The following LINGO2 variants were observed in gnomAD, a reference collection of about 807,000 sequenced individuals.
LINGO2 encodes leucine rich repeat and Ig domain containing 2.
Under a neutral mutation model 30.6 loss-of-function variants are expected in LINGO2, and 14 were observed. The ratio of observed to expected loss-of-function variants is 0.46; its 90% CI spans 0.30 to 0.72. The LOEUF (loss-of-function observed/expected upper bound fraction) is 0.72, where lower values mean the gene tolerates loss of function less well. Among genes scored for constraint, LINGO2 ranks in the 30% least tolerant of loss-of-function variants. LINGO2 has a pLI of 0.07. For missense variants in LINGO2, 729 were observed against 751.7 expected, an observed-to-expected ratio of 0.97 and a Z score of 0.35; for synonymous variants, 317 against 288.5, an observed-to-expected ratio of 1.10 and a Z score of -1.00.
intron 1 of LINGO2, among the ~76,000 whole-genome samples, chr9:28,479,854 T>C (rs866234841): frequency 0.019 from 1,109 of 59,876 alleles, 23 homozygotes; most frequent in African/African-American, 0.053. Flanking sequence ...TCTGTGTGTG[T>C]GTGTGTGTGT....
the LINGO2 span, among the ~76,000 whole-genome samples, chr9:28,882,676 T>C: frequency 0.85 from 129,515 of 152,062 alleles, 55,328 homozygotes; most frequent in Non-Finnish European, 0.89. Context: ...CAGTCTTGGT[T>C]GTCTGTCATT....
At chr9:28,240,314 T>C (rs1821736239) in intron 4 of LINGO2, among the ~76,000 whole-genome samples, 2 of 152,050 alleles carry the variant, frequency 1.3e-5, no homozygotes, top group African/African-American at 4.8e-5. Flanking sequence ...AGACCCAGAA[T>C]AGCCAAAGCC....
At chr9:28,429,516 A>G (rs1290562868) in intron 2 of LINGO2, among the ~76,000 whole-genome samples, 2 of 152,138 alleles carry the variant, frequency 1.3e-5, no homozygotes, top group Non-Finnish European at 2.9e-5. Flanking sequence ...AGAACTACCA[A>G]TATGGAGCTG....
intron 4 of LINGO2, among the ~76,000 whole-genome samples, chr9:28,019,317 A>ATT (rs1357392681): frequency 1.5e-4 from 1 of 6,670 alleles, no homozygotes; most frequent in African/African-American, 5.5e-4. Flanking sequence ...AGGGGAATAT[A>ATT]TGTTTTTTTT....
chr9:28,884,567 G>A, the LINGO2 span, among the ~76,000 whole-genome samples: 16 of 151,574 alleles, frequency 1.1e-4, no homozygotes, highest in Middle Eastern at 3.5e-3. Context: ...ATCGACCTGC[G>A]GACCTTTGTC....
chr9:28,827,874 G>A, the LINGO2 span, among the ~76,000 whole-genome samples: 5 of 152,014 alleles, frequency 3.3e-5, no homozygotes, highest in Non-Finnish European at 5.9e-5. Flanking sequence ...CCAAGAATGT[G>A]ACTTTCCTAC....
chr9:28,276,442 T>C (rs1043025956), intron 4 of LINGO2, among the ~76,000 whole-genome samples: 14 of 152,198 alleles, frequency 9.2e-5, no homozygotes, highest in South Asian at 8.3e-4. Context: ...CTCATTTTCC[T>C]AGAAATATCT....
chr9:28,374,665 G>A (rs2134590954), intron 2 of LINGO2, among the ~76,000 whole-genome samples: 1 of 152,024 alleles, frequency 6.6e-6, no homozygotes, highest in East Asian at 1.9e-4. Flanking sequence ...AATTGTTTAG[G>A]ATTGTTTCAA....
At chr9:28,016,512 C>T (rs1378438808) in intron 4 of LINGO2, among the ~76,000 whole-genome samples, 3 of 151,852 alleles carry the variant, frequency 2.0e-5, no homozygotes, top group Admixed American at 2.0e-4. Context: ...AGACAAATTT[C>T]CCACAGAAAT....
chr9:28,156,439 A>G (rs1201461128), intron 4 of LINGO2, among the ~76,000 whole-genome samples: 2 of 152,246 alleles, frequency 1.3e-5, no homozygotes, highest in African/African-American at 4.8e-5. Context: ...TCTATCACTG[A>G]ATATCTACAT....
In LINGO2 at chr9:28,446,566, C is replaced by G. The variant is rs141913031; in HGVS notation, c.-279+29374G>C. On this transcript the variant is annotated intron_variant, in intron 2 of 5. Coordinates refer to ENST00000379992, the Ensembl canonical transcript of LINGO2. The stretch of plus-strand genomic sequence containing the variant: ...AATCAATTACTAAGTCTTATAATTT[C>G]TATTTCCTAAACCTCTTTTGACTCT... Among the ~76,000 whole-genome samples, 49 of 152,288 alleles carry G rather than the reference C, an allele frequency of 3.2e-4. No homozygotes were observed. In the East Asian group the frequency reaches 9.3e-3, roughly 29 times the overall value.
the LINGO2 span, among the ~76,000 whole-genome samples, chr9:29,101,482 T>C: frequency 9.2e-5 from 14 of 152,056 alleles, no homozygotes; most frequent in Non-Finnish European, 1.9e-4. Context: ...AAGGTAGGCC[T>C]GTAGGCCTTT....
At chr9:28,928,149 A>C in the LINGO2 span, among the ~76,000 whole-genome samples, 1 of 152,334 alleles carries the variant, frequency 6.6e-6, no homozygotes, top group East Asian at 1.9e-4. Flanking sequence ...TATTTGAATT[A>C]ATTTCTGTTA....
chr9:28,858,298 G>A, the LINGO2 span, among the ~76,000 whole-genome samples: 11 of 152,006 alleles, frequency 7.2e-5, no homozygotes, highest in Admixed American at 6.6e-5. Context: ...TTTACTGGTT[G>A]TCAGGCAGAT....
intron 1 of LINGO2, among the ~76,000 whole-genome samples, chr9:28,595,851 A>T (rs1389905704): frequency 1.3e-5 from 2 of 152,170 alleles, no homozygotes; most frequent in Non-Finnish European, 2.9e-5. Context: ...CAACCAGATA[A>T]TAATAGCTGA....
At chr9:28,010,496 T>C (rs997698163) in intron 5 of LINGO2, among the ~76,000 whole-genome samples, 4 of 152,180 alleles carry the variant, frequency 2.6e-5, no homozygotes, top group African/African-American at 9.7e-5. Context: ...GGAAACTCAA[T>C]GTATAAAGCA....
intron 4 of LINGO2, among the ~76,000 whole-genome samples, chr9:28,168,670 G>A (rs188032704): frequency 1.5e-4 from 23 of 152,340 alleles, no homozygotes; most frequent in African/African-American, 1.9e-4. Flanking sequence ...GACATATGAC[G>A]CATATTGCTC....
At chr9:28,642,141 T>A (rs1827622535) in intron 1 of LINGO2, among the ~76,000 whole-genome samples, 1 of 152,016 alleles carries the variant, frequency 6.6e-6, no homozygotes, top group Admixed American at 6.6e-5. Context: ...TTTACTCAGA[T>A]ATGTGAACAC....
chr9:28,311,938 G>A (rs62555391), intron 3 of LINGO2, among the ~76,000 whole-genome samples: 35,868 of 151,948 alleles, frequency 0.24, 4,514 homozygotes, highest in Non-Finnish European at 0.29. Flanking sequence ...AAAGACAGGC[G>A]TAAGAAATTA....
Sources: allele counts gnomAD v4.1 joint callset (sites outside exome capture counted in the v4.1 genomes callset), GRCh38; gene constraint gnomAD v4.1.1; transcripts MANE v1.5; gene names NCBI Gene and HGNC (gene_info 2026-07-23, HGNC 2026-07-21).